AADAC: variants seen among roughly 807,000 people sequenced by gnomAD.
AADAC encodes the protein arylacetamide deacetylase (esterase).
In AADAC, 17 loss-of-function variants were observed where a neutral mutation model predicts 22.7. The ratio of observed to expected loss-of-function variants is 0.75; its 90% CI spans 0.51 to 1.12. The LOEUF (loss-of-function observed/expected upper bound fraction) is 1.12. Ranked by LOEUF, AADAC falls within the 50% of genes most tolerant of loss-of-function variation. The pLI is 0.00. For missense variants in AADAC, 465 were observed against 473.9 expected (o/e 0.98, Z 0.17); for synonymous variants, 167 against 176.3 (o/e 0.95, Z 0.42).
At chr3:151,817,285 G>A (rs1392365138) in intron 1 of AADAC, 81 bp from the exon 2 acceptor site, 2 of 1,210,752 alleles carry the variant, frequency 1.7e-6, no homozygotes, top group African/African-American at 1.5e-5. Context: ...TTTATTAAGG[G>A]TTAATGTCTA....
chr3:151,824,373 C>A (rs1215809892), intron 3 of AADAC, among the ~76,000 whole-genome samples: 1 of 151,752 alleles, frequency 6.6e-6, no homozygotes, highest in East Asian at 1.9e-4. Context: ...CAAAACTAGG[C>A]AAAATTAATT....
In AADAC at chr3:151,824,677, CT is replaced by C. The variant is rs1247867986; in HGVS notation, c.447del (p.Lys150SerfsTer15). The part of the protein sequence containing the change: ...VVVSTNYRLA[P>X]KYHFPIQFED... The stretch of plus-strand genomic sequence containing the variant: ...TCTCTCTACAGCTACAGATTAGCAC[CT>C]AAGTATCATTTCCCAATTCAATTTG... On this transcript the variant is annotated frameshift_variant, in exon 4 of 5. Coordinates refer to ENST00000232892, the MANE Select transcript of AADAC (RefSeq NM_001086.3). LOFTEE classifies it high-confidence loss of function. 1 of 1,578,048 alleles carries C rather than the reference CT, an allele frequency of 6.3e-7. No individual in the cohort carries two copies. Among genetic ancestry groups the C allele is most frequent in the Admixed American group, 1.9e-5 (1 of 53,406 alleles).
chr3:151,821,052 T>C, intron 3 of AADAC, among the ~76,000 whole-genome samples: 1 of 151,758 alleles, frequency 6.6e-6, no homozygotes, highest in Non-Finnish European at 1.5e-5. Context: ...ACCTGGACGG[T>C]ATTTCCTTTC....
intron 3 of AADAC, among the ~76,000 whole-genome samples, chr3:151,821,837 A>G (rs140356962): frequency 0.015 from 2,335 of 152,070 alleles, 55 homozygotes; most frequent in Non-Finnish European, 0.024. Flanking sequence ...TTTATATTAA[A>G]GATGAAGAAC....
rs1431238437 is a variant in AADAC, at chr3:151,824,686, A to T, written c.455A>T (p.His152Leu). 1 of 1,582,734 alleles carries T rather than the reference A, an allele frequency of 6.3e-7. No individual in the cohort carries two copies. The highest frequency in any genetic ancestry group is 1.9e-5 in the Admixed American group (1 of 53,756). Reference sequence around the variant, plus strand: ...AGCTACAGATTAGCACCTAAGTATCATTTCCCAATTCAATTTGAAGATGTA... The same window carrying T: ...AGCTACAGATTAGCACCTAAGTATCTTTTCCCAATTCAATTTGAAGATGTA... ...STNYRLAPKY[H>L]FPIQFEDVYN... Residue 152 changes from histidine (H) to leucine (L), a missense_variant, in exon 4 of 5, where the codon CAT (histidine) becomes CTT (leucine). Coordinates refer to ENST00000232892, the MANE Select transcript of AADAC (RefSeq NM_001086.3).
At chr3:151,827,478 T>C (rs1716546395) in intron 4 of AADAC, 98 bp from the exon 5 acceptor site, 5 of 750,622 alleles carry the variant, frequency 6.7e-6, no homozygotes, top group Middle Eastern at 7.9e-4. Context: ...AATAGATAGA[T>C]AGATAAAAAC....
chr3:151,820,310 T>C (rs1716185841), intron 2 of AADAC, 73 bp from the exon 3 acceptor site: 4 of 1,108,302 alleles, frequency 3.6e-6, no homozygotes, highest in African/African-American at 1.6e-5. Flanking sequence ...TGCAGCAGGA[T>C]TTTTGTGAAG....
At position 151,817,444 on chromosome 3, in the gene AADAC, C is replaced by A; in HGVS notation, c.217C>A (p.Pro73Thr). 1 of 1,613,730 alleles carries A rather than the reference C, an allele frequency of 6.2e-7. No homozygotes were observed. Among genetic ancestry groups the A allele is most frequent in the Non-Finnish European group, 8.5e-7 (1 of 1,179,714 alleles). Reference sequence around the variant, plus strand: ...TGTCGGGAGCTTTGATGAAGTCCCACCAACCTCAGATGAAAATGTCACTGT... The same window carrying A: ...TGTCGGGAGCTTTGATGAAGTCCCAACAACCTCAGATGAAAATGTCACTGT... ...KVVGSFDEVP[P>T]TSDENVTVTE... is the part of the protein sequence containing the mutation. Residue 73 changes from proline (P) to threonine (T), a missense_variant, in exon 2 of 5, where the codon CCA becomes ACA. Pro to Thr is a conservative substitution (Grantham distance 38). Coordinates refer to ENST00000232892, the MANE Select transcript of AADAC (RefSeq NM_001086.3).
At chr3:151,826,519 T>C (rs1458049063) in intron 4 of AADAC, among the ~76,000 whole-genome samples, 1 of 151,978 alleles carries the variant, frequency 6.6e-6, no homozygotes, top group African/African-American at 2.4e-5. Context: ...AATACTACAA[T>C]TTGCAAAATA....
In AADAC at chr3:151,828,006, T is replaced by C. The variant is rs760930751; in HGVS notation, c.1034T>C (p.Leu345Ser). 4.3e-6 allele frequency: 7 copies of C among 1,613,316 alleles called. No homozygotes were observed. In the South Asian group the frequency reaches 6.6e-5, roughly 15 times the overall value. The change falls in exon 5 of 5, where the codon TTA becomes TCA. Residue 345 changes from leucine (L) to serine (S), a missense_variant. Coordinates refer to ENST00000232892, the MANE Select transcript of AADAC (RefSeq NM_001086.3). ...TYVITCQYDL[L>S]RDDGLMYVTR... ...GTCATCACCTGTCAATATGATCTCT[T>C]AAGAGATGATGGACTCATGTATGTC... is the stretch of plus-strand genomic sequence containing the variant.
At chr3:151,815,188 G>T (rs562074081) in intron 1 of AADAC, among the ~76,000 whole-genome samples, 14 of 152,118 alleles carry the variant, frequency 9.2e-5, no homozygotes, top group African/African-American at 3.4e-4. Flanking sequence ...AGAGTAATTT[G>T]GGCAGAAGGC....
In AADAC at chr3:151,824,654, T is replaced by C; in HGVS notation, c.432-9T>C. The stretch of plus-strand genomic sequence containing the variant: ...AAAAAAATGTGTAAACTATGTTTTC[T>C]CTCTACAGCTACAGATTAGCACCTA... On this transcript the variant is annotated splice_polypyrimidine_tract_variant and intron_variant, in intron 3 of 4. Transcript: ENST00000232892. 2 of 1,502,728 alleles carry C rather than the reference T, an allele frequency of 1.3e-6. No individual in the cohort carries two copies. The highest frequency in any genetic ancestry group is 4.9e-5 in the East Asian group (2 of 41,154). The allele number at this position is 1,502,728 out of a possible 1,614,324, so 93.1% of individuals were successfully genotyped here.
chr3:151,814,422 TG>T, intron 1 of AADAC, 122 bp downstream of exon 1: 9 of 1,062,840 alleles, frequency 8.5e-6, no homozygotes, highest in Non-Finnish European at 7.9e-6. Flanking sequence ...ATAACTGCTG[TG>T]GCCTTTGACA....
chr3:151,825,208 C>CA (rs796642848), intron 4 of AADAC, among the ~76,000 whole-genome samples: 209 of 100,328 alleles, frequency 2.1e-3, no homozygotes, highest in South Asian at 2.4e-3. Flanking sequence ...CCTGTCTCTA[C>CA]AAAAAAAAAA....
intron 3 of AADAC, among the ~76,000 whole-genome samples, chr3:151,824,028 C>T (rs970871521): frequency 6.6e-6 from 1 of 152,106 alleles, no homozygotes; most frequent in East Asian, 1.9e-4. Flanking sequence ...GCTTATTCAA[C>T]TTGTTTGACT....
intron 2 of AADAC, among the ~76,000 whole-genome samples, chr3:151,819,852 C>T (rs950715233): frequency 2.6e-5 from 4 of 151,982 alleles, no homozygotes; most frequent in African/African-American, 9.7e-5. Context: ...AGTACAGATG[C>T]AAGCAGTAAG....
intron 3 of AADAC, among the ~76,000 whole-genome samples, chr3:151,823,881 G>A (rs1387860308): frequency 6.6e-6 from 1 of 151,894 alleles, no homozygotes; most frequent in Non-Finnish European, 1.5e-5. Flanking sequence ...TTTTTACTTG[G>A]AAAAATATTT....
intron 3 of AADAC, among the ~76,000 whole-genome samples, chr3:151,821,714 C>T (rs939288190): frequency 2.0e-5 from 3 of 151,896 alleles, no homozygotes; most frequent in African/African-American, 7.2e-5. Flanking sequence ...ATAAGACCGA[C>T]ATCTGTGTTT....
intron 3 of AADAC, among the ~76,000 whole-genome samples, chr3:151,823,085 C>T (rs1277660362): frequency 6.6e-6 from 1 of 151,810 alleles, no homozygotes. Context: ...TGAGACCAGC[C>T]TGGCCAACGT....
Sources: gnomAD v4.1 joint callset for allele counts (sites outside exome capture counted in the v4.1 genomes callset) on GRCh38, gnomAD v4.1.1 for gene constraint, MANE v1.5 for transcripts, NCBI Gene and HGNC (gene_info 2026-07-23, HGNC 2026-07-21) for gene names.